The following CA10 variants were observed in gnomAD, a reference collection of about 807,000 sequenced individuals.
CA10 encodes carbonic anhydrase-related protein 10.
In CA10, 14 loss-of-function variants were observed where a neutral mutation model predicts 44.2. The ratio of observed to expected loss-of-function variants is 0.32; its 90% confidence interval spans 0.21 to 0.50. The LOEUF is 0.50. CA10 is among the 20% of genes least tolerant of loss of function. The pLI is 0.99. For missense variants in CA10, 350 were observed against 409.7 expected (o/e 0.85, Z 1.26); for synonymous variants, 159 against 141.6 (o/e 1.12, Z -0.87).
At chr17:51,648,843 A>G (rs1238920076) in intron 6 of CA10, among the ~76,000 whole-genome samples, 1 of 152,154 alleles carries the variant, frequency 6.6e-6, no homozygotes, top group Non-Finnish European at 1.5e-5. Context: ...GGCTTTCTCA[A>G]TCCCGTAATT....
intron 3 of CA10, among the ~76,000 whole-genome samples, chr17:51,752,627 T>A (rs74655175): frequency 0.03 from 4,510 of 151,186 alleles, 227 homozygotes; most frequent in African/African-American, 0.1. Flanking sequence ...CATTTCAGAT[T>A]AAAAAAAAAT....
chr17:51,662,363 A>G (rs1463807187), intron 4 of CA10, among the ~76,000 whole-genome samples: 2 of 152,216 alleles, frequency 1.3e-5, no homozygotes, highest in Non-Finnish European at 2.9e-5. Context: ...TGTTCCTAAA[A>G]TAAATAGGTG....
intron 4 of CA10, among the ~76,000 whole-genome samples, chr17:51,717,658 T>TGC (rs1315124192): frequency 0.12 from 3,497 of 28,506 alleles, 799 homozygotes; most frequent in Middle Eastern, 0.2. Flanking sequence ...CATATATACG[T>TGC]ATATATACAT....
chr17:51,825,286 C>T (rs1322580703), intron 3 of CA10, among the ~76,000 whole-genome samples: 1 of 151,368 alleles, frequency 6.6e-6, no homozygotes, highest in Admixed American at 6.6e-5. Context: ...TTAAATTAGG[C>T]TTTGATGCTT....
intron 2 of CA10, among the ~76,000 whole-genome samples, chr17:51,982,500 T>C (rs577268357): frequency 2.0e-5 from 3 of 151,946 alleles, no homozygotes; most frequent in Non-Finnish European, 4.4e-5. Context: ...AAACAAAGCA[T>C]TAAGTCAAGA....
chr17:51,711,881 G>A (rs1014710325), intron 4 of CA10, among the ~76,000 whole-genome samples: 6 of 152,166 alleles, frequency 3.9e-5, no homozygotes, highest in African/African-American at 1.4e-4. Flanking sequence ...GTTAGCAGAG[G>A]GCAGTCCCCC....
At chr17:52,110,561 G>A (rs546832614) in intron 1 of CA10, among the ~76,000 whole-genome samples, 1 of 152,324 alleles carries the variant, frequency 6.6e-6, no homozygotes, top group Admixed American at 6.5e-5. Flanking sequence ...GGAGATTTGG[G>A]TGTCTGCGAT....
intron 3 of CA10, among the ~76,000 whole-genome samples, chr17:51,891,540 T>C (rs1980856445): frequency 6.6e-6 from 1 of 152,204 alleles, no homozygotes; most frequent in African/African-American, 2.4e-5. Flanking sequence ...CTCTAGAGCA[T>C]CTTCAAGATT....
chr17:51,715,555 A>G (rs1848102793), intron 4 of CA10, among the ~76,000 whole-genome samples: 1 of 152,092 alleles, frequency 6.6e-6, no homozygotes, highest in African/African-American at 2.4e-5. Flanking sequence ...CCCCTCAAGT[A>G]TTTACCCTTT....
chr17:51,871,552 T>G (rs1312376061), intron 3 of CA10, among the ~76,000 whole-genome samples: 5 of 151,328 alleles, frequency 3.3e-5, no homozygotes, highest in African/African-American at 1.2e-4. Context: ...ACCTGGGTAA[T>G]TTTTGTATTT....
chr17:52,036,577 A>C (rs187521666), intron 2 of CA10, among the ~76,000 whole-genome samples: 30 of 152,264 alleles, frequency 2.0e-4, no homozygotes, highest in African/African-American at 7.2e-4. Context: ...TTCCAGGTAA[A>C]GGGAACAGAT....
intron 3 of CA10, among the ~76,000 whole-genome samples, chr17:51,833,272 C>T (rs542869035): frequency 1.3e-5 from 2 of 152,152 alleles, no homozygotes; most frequent in African/African-American, 2.4e-5. Flanking sequence ...AATGTCACCA[C>T]CCTGGAGGCC....
chr17:51,859,684 T>C (rs550824210), intron 3 of CA10, among the ~76,000 whole-genome samples: 2 of 152,268 alleles, frequency 1.3e-5, no homozygotes, highest in Admixed American at 6.5e-5. Context: ...TGTTTCCTCA[T>C]ATAAAAAATG....
intron 3 of CA10, among the ~76,000 whole-genome samples, chr17:51,891,184 G>A (rs567184479): frequency 4.6e-5 from 7 of 152,124 alleles, no homozygotes; most frequent in African/African-American, 7.2e-5. Context: ...AGGATCCACC[G>A]GGCCAAGGTG....
At chr17:51,959,282 C>CTCTCTGTG (rs748461115) in intron 2 of CA10, among the ~76,000 whole-genome samples, 1,443 of 134,380 alleles carry the variant, frequency 0.011, 17 homozygotes, top group East Asian at 0.033. Flanking sequence ...CTCTCTCTCT[C>CTCTCTGTG]TGTGTGTGTG....
intron 1 of CA10, among the ~76,000 whole-genome samples, chr17:52,109,352 A>C (rs888381361): frequency 2.6e-5 from 4 of 152,240 alleles, no homozygotes; most frequent in Admixed American, 1.3e-4. Flanking sequence ...GGGACAAAAA[A>C]CAAAATAAAC....
At chr17:51,812,699 TTTTC>T (rs1214521695) in intron 3 of CA10, among the ~76,000 whole-genome samples, 1 of 152,228 alleles carries the variant, frequency 6.6e-6, no homozygotes, top group African/African-American at 2.4e-5. Flanking sequence ...AAGCATCAGA[TTTTC>T]TTTGTCTAAG....
intron 3 of CA10, among the ~76,000 whole-genome samples, chr17:51,808,337 G>A (rs981079266): frequency 2.0e-5 from 3 of 152,168 alleles, no homozygotes; most frequent in African/African-American, 7.2e-5. Flanking sequence ...ATTAACTTCT[G>A]AAATCCTCTT....
chr17:51,831,675 G>GCAGCAGCAGCAGCAGCAGCAGCAT (rs1201269947), intron 3 of CA10, among the ~76,000 whole-genome samples: 1,652 of 43,304 alleles, frequency 0.038, 46 homozygotes, highest in African/African-American at 0.12. Context: ...AAAAGCAGCA[G>GCAGCAGCAGCAGCAGCAGCAGCAT]CAGCAGCAGC....
Sources: gnomAD v4.1 joint callset for allele counts (sites outside exome capture counted in the v4.1 genomes callset) on GRCh38, gnomAD v4.1.1 for gene constraint, MANE v1.5 for transcripts, NCBI Gene and HGNC (gene_info 2026-07-23, HGNC 2026-07-21) for gene names.